Variants in IGFL2 observed in about 807,000 individuals in gnomAD.
IGFL2 encodes IGF like family member 2, also known as insulin growth factor-like family member 2.
A neutral mutation model predicts 13.9 loss-of-function variants in IGFL2; 7 were observed. The ratio of observed to expected loss-of-function variants is 0.51; its 90% CI spans 0.29 to 0.95. The LOEUF is 0.95. Among genes scored for constraint, IGFL2 ranks in the 40% least tolerant of loss-of-function variants. IGFL2 has a pLI of 0.08. For synonymous variants in IGFL2, 55 were observed against 55.8 expected (o/e 0.99, Z 0.07); for missense variants, 138 against 147.8 (o/e 0.93, Z 0.34).
intron 1 of IGFL2, chr19:46,160,077 C>T (rs991992819): frequency 6.2e-6 from 2 of 320,414 alleles, no homozygotes; most frequent in African/African-American, 4.3e-5. Context: ...AGCTTCCTTC[C>T]TCCTTCCTTA....
chr19:46,142,180 A>C (rs1461121848), upstream of IGFL2, among the ~76,000 whole-genome samples: 3 of 152,240 alleles, frequency 2.0e-5, no homozygotes, highest in African/African-American at 7.2e-5. Flanking sequence ...AAATGTGTGT[A>C]TAAAGTTCAT....
chr19:46,129,189 C>T, the IGFL2 span, among the ~76,000 whole-genome samples: 7 of 151,830 alleles, frequency 4.6e-5, no homozygotes, highest in African/African-American at 1.7e-4. Context: ...GATAATATCC[C>T]CCTTTACATT....
chr19:46,100,797 T>TG, the IGFL2 span, among the ~76,000 whole-genome samples: 12 of 152,234 alleles, frequency 7.9e-5, no homozygotes, highest in Admixed American at 6.5e-5. Flanking sequence ...CAGATGCATT[T>TG]GGGGTCCCAA....
chr19:46,102,567 T>G, the IGFL2 span, among the ~76,000 whole-genome samples: 1 of 152,034 alleles, frequency 6.6e-6, no homozygotes, highest in African/African-American at 2.4e-5. Context: ...GAGGGTGTAT[T>G]GTCACAAAGT....
the IGFL2 span, among the ~76,000 whole-genome samples, chr19:46,084,282 T>G: frequency 6.6e-6 from 1 of 152,314 alleles, no homozygotes; most frequent in Non-Finnish European, 1.5e-5. Flanking sequence ...GGATGAACTG[T>G]TTTGTATAAA....
chr19:46,180,754 C>A, the IGFL2 span: 1 of 152,168 alleles, frequency 6.6e-6, no homozygotes, highest in Non-Finnish European at 1.5e-5. Context: ...CCTGAGAGCA[C>A]CTGGCAAACC....
At chr19:46,183,582 C>G in the IGFL2 span, among the ~76,000 whole-genome samples, 1 of 150,876 alleles carries the variant, frequency 6.6e-6, no homozygotes, top group Non-Finnish European at 1.5e-5. Flanking sequence ...GTCACCCAGG[C>G]TGCAGTACAA....
the IGFL2 span, among the ~76,000 whole-genome samples, chr19:46,105,942 T>G: frequency 6.6e-6 from 1 of 152,090 alleles, no homozygotes; most frequent in Non-Finnish European, 1.5e-5. Flanking sequence ...CTTTTAGGGT[T>G]GTTTTTTAAG....
intron 1 of IGFL2, chr19:46,160,068 G>A (rs960847777): frequency 1.6e-5 from 5 of 308,514 alleles, no homozygotes; most frequent in Non-Finnish European, 3.1e-5. Flanking sequence ...ATCTTACTCA[G>A]CTTCCTTCCT....
the IGFL2 span, among the ~76,000 whole-genome samples, chr19:46,086,757 A>G: frequency 6.6e-6 from 1 of 152,052 alleles, no homozygotes; most frequent in South Asian, 2.1e-4. Flanking sequence ...GCTTCTTCCA[A>G]TTTTTTGAAT....
chr19:46,141,455 A>G (rs1197034039), upstream of IGFL2, among the ~76,000 whole-genome samples: 1 of 152,102 alleles, frequency 6.6e-6, no homozygotes, highest in African/African-American at 2.4e-5. Context: ...ACTGCTTAAA[A>G]TTATTGAACG....
At chr19:46,086,067 G>A in the IGFL2 span, among the ~76,000 whole-genome samples, 1 of 151,598 alleles carries the variant, frequency 6.6e-6, no homozygotes, top group African/African-American at 2.4e-5. Context: ...TTAAGTTCTG[G>A]GATTCTTTCT....
chr19:46,129,950 G>A, the IGFL2 span, among the ~76,000 whole-genome samples: 2 of 152,116 alleles, frequency 1.3e-5, no homozygotes, highest in Non-Finnish European at 2.9e-5. Context: ...GTCTAATACT[G>A]TCAGTGAGGT....
chr19:46,087,507 G>T, the IGFL2 span, among the ~76,000 whole-genome samples: 1 of 152,208 alleles, frequency 6.6e-6, no homozygotes, highest in Non-Finnish European at 1.5e-5. Context: ...GTAGGCACTG[G>T]CTCTGGTAAT....
At chr19:46,118,815 A>G in the IGFL2 span, among the ~76,000 whole-genome samples, 4 of 152,150 alleles carry the variant, frequency 2.6e-5, no homozygotes, top group African/African-American at 7.2e-5. Flanking sequence ...CTTCTTGCCC[A>G]TGCTGCTTGC....
At chr19:46,136,059 G>T in the IGFL2 span, among the ~76,000 whole-genome samples, 4 of 152,262 alleles carry the variant, frequency 2.6e-5, no homozygotes, top group South Asian at 8.3e-4. Context: ...TCTGATGACT[G>T]TGTCTTGGGG....
chr19:46,141,439 A>G (rs1474525945), upstream of IGFL2, among the ~76,000 whole-genome samples: 2 of 152,012 alleles, frequency 1.3e-5, no homozygotes, highest in Non-Finnish European at 2.9e-5. Flanking sequence ...TCTGGTCATG[A>G]GTTTCACTGC....
chr19:46,124,734 A>G, the IGFL2 span: 82 of 1,186,340 alleles, frequency 6.9e-5, 2 homozygotes, highest in South Asian at 9.1e-4. Flanking sequence ...GTTGTCTGTT[A>G]ACCTGGTAAG....
upstream of IGFL2, among the ~76,000 whole-genome samples, chr19:46,141,284 T>C (rs1164697891): frequency 6.6e-6 from 1 of 152,150 alleles, no homozygotes; most frequent in Non-Finnish European, 1.5e-5. Context: ...ACCAATATTT[T>C]TGCAAAGTAA....
Sources: allele counts gnomAD v4.1 joint callset (sites outside exome capture counted in the v4.1 genomes callset), GRCh38; gene constraint gnomAD v4.1.1; transcripts MANE v1.5; gene names NCBI Gene and HGNC (gene_info 2026-07-23, HGNC 2026-07-21).